SERPINA10: variants seen among roughly 807,000 people sequenced by gnomAD.
SERPINA10 encodes protein Z-dependent protease inhibitor.
In SERPINA10, 24 loss-of-function variants were observed where a neutral mutation model predicts 28.0. The ratio of observed to expected loss-of-function variants is 0.86; its 90% CI spans 0.62 to 1.20. The LOEUF is 1.20. Among genes scored for constraint, SERPINA10 ranks in the 50% most tolerant of loss-of-function variants. SERPINA10 has a pLI of 0.00. For missense variants in SERPINA10, 521 were observed against 537.7 expected, an observed-to-expected ratio of 0.97 and a Z score of 0.31; for synonymous variants, 207 against 203.9, an observed-to-expected ratio of 1.02 and a Z score of -0.13.
At chr14:94,292,541 G>T in intron 1 of SERPINA10, 1 of 700,390 alleles carries the variant, frequency 1.4e-6, no homozygotes, top group Non-Finnish European at 2.6e-6. Flanking sequence ...ACTTCTCCCT[G>T]TACAATGGTC....
chr14:94,292,798 T>A (rs1895211293), intron 1 of SERPINA10: 2 of 653,118 alleles, frequency 3.1e-6, no homozygotes, highest in South Asian at 1.6e-5. Flanking sequence ...GGACGCACCT[T>A]CCTAGACAGA....
intron 1 of SERPINA10, among the ~76,000 whole-genome samples, chr14:94,291,892 A>T (rs561491488): frequency 6.6e-6 from 1 of 152,250 alleles, no homozygotes; most frequent in South Asian, 2.1e-4. Context: ...GGCACCCCGG[A>T]ATTCAGGGCC....
chr14:94,290,222 G>T lies in SERPINA10; in HGVS notation c.372C>A (p.Ile124=). 6.8e-6 allele frequency: 11 copies of T among 1,613,900 alleles called. No homozygotes were observed. The highest frequency in any genetic ancestry group is 9.3e-6 in the Non-Finnish European group (11 of 1,179,758). ...GGGCCTGCAAGTGGAGCCCTCTCTT[G>T]ATCTGGGTTTCAGTCGGCCCTGTGG... ...LGATGPTETQ[I]KRGLHLQALK... Residue 124 remains isoleucine (I), a synonymous_variant, in exon 2 of 5, where the codon ATC becomes ATA. Transcript: ENST00000261994.
intron 4 of SERPINA10, 40 bp from the exon 5 acceptor site, chr14:94,284,196 A>T: frequency 2.6e-6 from 4 of 1,556,758 alleles, no homozygotes; most frequent in Non-Finnish European, 3.5e-6. Flanking sequence ...TTTGTGTGGC[A>T]GTGCAAAGGA....
rs888852091 is a variant in SERPINA10, at chr14:94,282,817, A to G, written c.*1148T>C. The G allele has an allele frequency of 2.6e-5, 4 of 152,232 alleles. No homozygotes were observed. The highest frequency in any genetic ancestry group is 5.9e-5 in the Non-Finnish European group (4 of 68,046). The allele number at this position is 152,232 out of a possible 1,614,324, so 9.4% of individuals were successfully genotyped here. ...CTACCAATGCAGCCATAGAACATAT[A>G]TATCTTCATGAAGGAAGGAGGAGTC... On this transcript the variant is annotated 3_prime_UTR_variant, in exon 5 of 5. Coordinates refer to ENST00000261994, the MANE Select transcript of SERPINA10 (RefSeq NM_001100607.3).
Position 94,286,231 on chromosome 14 carries a change from G to A in SERPINA10, c.1020C>T (p.Phe340=). 1.9e-6 allele frequency: 3 copies of A among 1,614,056 alleles called. No homozygotes were observed. Among genetic ancestry groups the A allele is most frequent in the South Asian group, 2.2e-5 (2 of 91,078 alleles). ...TRNMEVFFPK[F]KLDQKYEMHE... is the part of the protein sequence containing the mutation. ...GCATCTCATACTTCTGATCTAGCTT[G>A]AACTTCGGAAAGAAAACTTCCATGT... Residue 340 remains phenylalanine (F), a synonymous_variant, in exon 4 of 5, where the codon TTC becomes TTT. Coordinates refer to ENST00000261994, the MANE Select transcript of SERPINA10 (RefSeq NM_001100607.3).
chr14:94,285,961 A>G (rs750366928), intron 4 of SERPINA10, 147 bp downstream of exon 4: 5 of 974,400 alleles, frequency 5.1e-6, no homozygotes, highest in Middle Eastern at 2.8e-4. Context: ...AAAACATCCA[A>G]CCTGGGTGCT....
chr14:94,292,251 TAAG>T (rs1895196522), intron 1 of SERPINA10, among the ~76,000 whole-genome samples: 1 of 151,902 alleles, frequency 6.6e-6, no homozygotes, highest in Non-Finnish European at 1.5e-5. Flanking sequence ...AGTGCTGTCA[TAAG>T]AAGAGAGCAG....
In SERPINA10 at chr14:94,284,011, C is replaced by G. The variant is rs201969429; in HGVS notation, c.1289G>C (p.Gly430Ala). 204 of 1,614,120 alleles carry G rather than the reference C, an allele frequency of 1.3e-4. No homozygotes were observed. The highest frequency in any genetic ancestry group is 1.7e-4 in the Non-Finnish European group (197 of 1,179,998). Residue 430 changes from glycine to alanine, a missense_variant, in exon 5 of 5, where the codon GGA (glycine) becomes GCA (alanine). Physicochemically the swap from Gly to Ala is moderately conservative, Grantham distance 60 (BLOSUM62 0). Transcript: ENST00000261994. ...CACCCTGCCCAGAAACAGAAGCATT[C>G]CAGAGGTTTCTTCATAGATCATGAA... ...FHFMIYEETSGMLLFLGRVVN... is the reference protein window; with the variant it reads ...FHFMIYEETSAMLLFLGRVVN...
In SERPINA10 at chr14:94,289,979, C is replaced by A. The variant is rs1255362728; in HGVS notation, c.615G>T (p.Met205Ile). Residue 205 changes from methionine to isoleucine, a missense_variant, in exon 2 of 5, where the codon ATG becomes ATT. Physicochemically the swap from Met to Ile is conservative, Grantham distance 10 (BLOSUM62 1). Transcript: ENST00000261994. Reference sequence around the variant, plus strand: ...GAGTCTCTTTGTTAATGTAATGATTCATGAGCCTTTTGGCCTGTGAGGCAT... The same window carrying A: ...GAGTCTCTTTGTTAATGTAATGATTAATGAGCCTTTTGGCCTGTGAGGCAT... ...FRNASQAKRL[M>I]NHYINKETRG... 2.5e-6 allele frequency: 4 copies of A among 1,614,226 alleles called. No individual in the cohort carries two copies. The highest frequency in any genetic ancestry group is 2.5e-6 in the Non-Finnish European group (3 of 1,180,038).
chr14:94,285,580 C>CACAT (rs1895003087), intron 4 of SERPINA10, among the ~76,000 whole-genome samples: 1 of 150,354 alleles, frequency 6.7e-6, no homozygotes, highest in Non-Finnish European at 1.5e-5. Flanking sequence ...TATATACACA[C>CACAT]ATATATATAT....
chr14:94,286,098 C>T lies in SERPINA10; in HGVS notation c.1143+10G>A, dbSNP rs780361593. 1.2e-6 allele frequency: 2 copies of T among 1,614,016 alleles called. No individual in the cohort carries two copies. The highest frequency in any genetic ancestry group is 1.3e-5 in the African/African-American group (1 of 75,006). Reference sequence around the variant, plus strand: ...CTGAGGTTGGGCTCTGATGAAAGATCCTGACTTACCCTGGATACTTGGAGA... The same window carrying T: ...CTGAGGTTGGGCTCTGATGAAAGATTCTGACTTACCCTGGATACTTGGAGA... On this transcript the variant is annotated intron_variant, in intron 4 of 4. Coordinates refer to ENST00000261994, the MANE Select transcript of SERPINA10 (RefSeq NM_001100607.3).
Position 94,290,041 on chromosome 14 carries a change from A to G in SERPINA10, c.553T>C (p.Tyr185His). The G allele has an allele frequency of 6.2e-7, 1 of 1,614,176 alleles. No individual in the cohort carries two copies. The highest frequency in any genetic ancestry group is 2.2e-5 in the East Asian group (1 of 44,882). The change falls in exon 2 of 5, where the codon TAT becomes CAT. Residue 185 changes from tyrosine (Y) to histidine (H), a missense_variant. Physicochemically the swap from Tyr to His is moderately conservative, Grantham distance 83. Transcript: ENST00000261994. ...ATAGGCACGCACTCTGTATCAAAAT[A>G]CCTCTTGGATAAATTGAAGAAAGTC... Reference protein sequence around the residue: ...KETFFNLSKRYFDTECVPMNF... With the variant: ...KETFFNLSKRHFDTECVPMNF...
intron 2 of SERPINA10, among the ~76,000 whole-genome samples, chr14:94,288,885 TCA>T (rs1022752299): frequency 1.3e-5 from 2 of 152,188 alleles, no homozygotes; most frequent in African/African-American, 4.8e-5. Flanking sequence ...TGAACGGAAT[TCA>T]CAGTCGTTCC....
chr14:94,286,400 C>G (rs1180401305), intron 3 of SERPINA10, 142 bp from the exon 4 acceptor site: 7 of 891,714 alleles, frequency 7.9e-6, no homozygotes, highest in Non-Finnish European at 1.3e-5. Context: ...CATTCTTTTA[C>G]AGTGGTCTAC....
At chr14:94,292,793 C>T (rs1385526762) in intron 1 of SERPINA10, 3 of 669,488 alleles carry the variant, frequency 4.5e-6, no homozygotes, top group Non-Finnish European at 5.5e-6. Context: ...GGTGAGGACG[C>T]ACCTTCCTAG....
At chr14:94,289,846 C>T in intron 2 of SERPINA10, 30 bp downstream of exon 2, 1 of 1,612,686 alleles carries the variant, frequency 6.2e-7, no homozygotes, top group South Asian at 1.1e-5. Flanking sequence ...GGCCCTGTGG[C>T]CTTGGGAGAG....
intron 3 of SERPINA10, among the ~76,000 whole-genome samples, chr14:94,287,295 C>T (rs1387493400): frequency 6.6e-6 from 1 of 152,130 alleles, no homozygotes; most frequent in African/African-American, 2.4e-5. Context: ...CTGCACTTAC[C>T]CCAGACCTGT....
Position 94,288,317 on chromosome 14 carries a change from C to T in SERPINA10, c.961G>A (p.Val321Met). 6.2e-7 allele frequency: 1 copy of T among 1,614,060 alleles called. No individual in the cohort carries two copies. The highest frequency in any genetic ancestry group is 8.5e-7 in the Non-Finnish European group (1 of 1,180,016). The stretch of plus-strand genomic sequence containing the variant: ...TTCATGTTTCTGAGCCATGTCTCCA[C>T]CAAGTCTGTGGTCAGGTAGTCTTCA... ...ALEDYLTTDL[V>M]ETWLRNMKTR... Residue 321 changes from valine (V) to methionine (M), a missense_variant, in exon 3 of 5, where the codon GTG becomes ATG. Transcript: ENST00000261994.
Sources: allele counts gnomAD v4.1 joint callset (sites outside exome capture counted in the v4.1 genomes callset), GRCh38; gene constraint gnomAD v4.1.1; transcripts MANE v1.5; gene names NCBI Gene and HGNC (gene_info 2026-07-23, HGNC 2026-07-21).